TRPC4: variants seen among roughly 807,000 people sequenced by gnomAD.
TRPC4 encodes transient receptor potential cation channel subfamily C member 4.
Under a neutral mutation model 99.4 loss-of-function variants are expected in TRPC4, and 49 were observed. The ratio of observed to expected loss-of-function variants is 0.49; its 90% CI spans 0.39 to 0.63. The LOEUF (loss-of-function observed/expected upper bound fraction) is 0.63. TRPC4 is among the 20% of genes least tolerant of loss of function. The probability of loss-of-function intolerance (pLI) is 0.00; values close to 1 mark genes in which losing one functional copy is unlikely to be tolerated. For synonymous variants in TRPC4, 454 were observed against 425.9 expected (o/e 1.07, Z -0.81); for missense variants, 898 against 1,152.9 (o/e 0.78, Z 3.20).
chr13:37,637,181 G>T lies in TRPC4; in HGVS notation c.2656C>A (p.Leu886Met). 1 of 1,613,858 alleles carries T rather than the reference G, an allele frequency of 6.2e-7. No homozygotes were observed. The highest frequency in any genetic ancestry group is 8.5e-7 in the Non-Finnish European group (1 of 1,179,862). Residue 886 changes from leucine (L) to methionine (M), a missense_variant, in exon 11 of 11, where the codon CTG becomes ATG. Physicochemically the swap from Leu to Met is conservative, Grantham distance 15. This residue lies in a region of TRPC4 where 346 missense variants were observed against 351.4 expected (regional missense o/e 0.98). Coordinates refer to ENST00000379705, the MANE Select transcript of TRPC4 (RefSeq NM_016179.4). Reference sequence around the variant, plus strand: ...CGTGAAGCTAATCCTCGAGATTCCAGTTGAATATTTCTCTCAAGTGGTCCT... The same window carrying T: ...CGTGAAGCTAATCCTCGAGATTCCATTTGAATATTTCTCTCAAGTGGTCCT... ...AAGPLERNIQ[L>M]ESRGLASRGD... is the part of the protein sequence containing the mutation.
intron 2 of TRPC4, among the ~76,000 whole-genome samples, chr13:37,750,765 A>G (rs1955911661): frequency 6.6e-6 from 1 of 152,022 alleles, no homozygotes; most frequent in African/African-American, 2.4e-5. Context: ...CGTCATCTAC[A>G]TTAAGTATTT....
chr13:37,680,639 T>C (rs1175602528), intron 4 of TRPC4, among the ~76,000 whole-genome samples: 1 of 152,182 alleles, frequency 6.6e-6, no homozygotes, highest in Non-Finnish European at 1.5e-5. Flanking sequence ...AGAAATTGGA[T>C]CTTTGATAAG....
chr13:37,790,261 G>A (rs1957082003), intron 1 of TRPC4, among the ~76,000 whole-genome samples: 1 of 152,062 alleles, frequency 6.6e-6, no homozygotes, highest in Non-Finnish European at 1.5e-5. Flanking sequence ...AACTTTAATA[G>A]TTATAAAAAG....
At chr13:37,866,531 T>G (rs1959757904) in intron 1 of TRPC4, among the ~76,000 whole-genome samples, 1 of 151,814 alleles carries the variant, frequency 6.6e-6, no homozygotes, top group Non-Finnish European at 1.5e-5. Flanking sequence ...CCTTTAATTT[T>G]CAGTTTCCCA....
intron 6 of TRPC4, among the ~76,000 whole-genome samples, chr13:37,659,795 G>C (rs780221737): frequency 9.2e-5 from 14 of 152,200 alleles, no homozygotes; most frequent in Non-Finnish European, 1.8e-4. Context: ...CACATGGAAG[G>C]GATGAGAAGA....
At chr13:37,827,381 G>GT (rs752658661) in intron 1 of TRPC4, among the ~76,000 whole-genome samples, 123 of 152,282 alleles carry the variant, frequency 8.1e-4, no homozygotes, top group Non-Finnish European at 1.1e-3. Context: ...TTTCTGCTCT[G>GT]TTTTTTCCCT....
Position 37,705,639 on chromosome 13 carries a change from A to G in TRPC4, c.898-13304T>C, listed in dbSNP as rs116545005. The stretch of plus-strand genomic sequence containing the variant: ...TATGCATGACTCTAGGCCTAACTCA[A>G]ATCAGTCTTTGAGTTCCTCTCCTTC... On this transcript the variant is annotated intron_variant, in intron 3 of 10. Coordinates refer to ENST00000379705, the MANE Select transcript of TRPC4 (RefSeq NM_016179.4). Among the ~76,000 whole-genome samples the G allele has an allele frequency of 5.7e-3, 865 of 152,182 alleles. 9 individuals carry two copies. Among genetic ancestry groups the G allele is most frequent in the African/African-American group, 0.02 (828 of 41,524 alleles).
intron 1 of TRPC4, among the ~76,000 whole-genome samples, chr13:37,820,326 T>A (rs1957977200): frequency 6.6e-6 from 1 of 151,884 alleles, no homozygotes; most frequent in Admixed American, 6.6e-5. Context: ...AGAACATGTC[T>A]AGGATATGAT....
intron 1 of TRPC4, among the ~76,000 whole-genome samples, chr13:37,809,637 A>G (rs1957621635): frequency 6.6e-6 from 1 of 152,056 alleles, no homozygotes. Flanking sequence ...CCAATTCATA[A>G]TTTGAACAGA....
At chr13:37,700,387 A>ATGTT (rs1555259671) in intron 3 of TRPC4, among the ~76,000 whole-genome samples, 6 of 152,078 alleles carry the variant, frequency 3.9e-5, no homozygotes, top group Non-Finnish European at 7.4e-5. Flanking sequence ...AGCCACTGAC[A>ATGTT]TTTTCCACAC....
chr13:37,681,189 G>C (rs773915610), intron 4 of TRPC4, among the ~76,000 whole-genome samples: 2 of 152,128 alleles, frequency 1.3e-5, no homozygotes, highest in Non-Finnish European at 2.9e-5. Context: ...AACTTCAACT[G>C]TAAGTTTAGA....
intron 2 of TRPC4, among the ~76,000 whole-genome samples, chr13:37,768,867 G>A (rs1276803879): frequency 6.6e-6 from 1 of 151,308 alleles, no homozygotes; most frequent in African/African-American, 2.4e-5. Flanking sequence ...CCTACTTTCT[G>A]CTTTTTGGAT....
rs193112721 is a variant in TRPC4, at chr13:37,650,185, C to A, written c.2079+1080G>T. ...AGGATCTCTTAGGGCATCGCAGTCA[C>A]AAACCATGTAAAATAAAATTGAAAA... On this transcript the variant is annotated intron_variant, in intron 8 of 10. Transcript: ENST00000379705. Among the ~76,000 whole-genome samples the A allele has an allele frequency of 6.6e-5, 10 of 152,258 alleles. No homozygotes were observed. In the East Asian group the frequency reaches 1.9e-3, roughly 29 times the overall value.
At chr13:37,853,618 T>A (rs1959111490) in intron 1 of TRPC4, among the ~76,000 whole-genome samples, 1 of 152,158 alleles carries the variant, frequency 6.6e-6, no homozygotes, top group African/African-American at 2.4e-5. Context: ...CAGAGACATG[T>A]GACCTTTCAT....
intron 3 of TRPC4, among the ~76,000 whole-genome samples, chr13:37,703,551 T>C (rs537322199): frequency 2.6e-5 from 4 of 152,146 alleles, no homozygotes; most frequent in African/African-American, 7.2e-5. Context: ...AAAAGATATA[T>C]AGATGGCAAA....
intron 3 of TRPC4, among the ~76,000 whole-genome samples, chr13:37,697,317 T>C (rs1953939227): frequency 6.6e-6 from 1 of 152,124 alleles, no homozygotes; most frequent in Non-Finnish European, 1.5e-5. Context: ...ATTAGATAAC[T>C]TGTTAAAAAG....
At chr13:37,854,583 A>C (rs1447849820) in intron 1 of TRPC4, among the ~76,000 whole-genome samples, 1 of 152,140 alleles carries the variant, frequency 6.6e-6, no homozygotes, top group East Asian at 1.9e-4. Context: ...ATAAAGGGAA[A>C]CAATAGAAAG....
intron 1 of TRPC4, among the ~76,000 whole-genome samples, chr13:37,821,189 G>GCC (rs896731147): frequency 4.3e-5 from 3 of 70,102 alleles, no homozygotes; most frequent in African/African-American, 1.9e-4. Flanking sequence ...ATTCACAATA[G>GCC]CCACACACAC....
chr13:37,654,387 C>A lies in TRPC4; in HGVS notation c.1884+701G>T, dbSNP rs17056381. On this transcript the variant is annotated intron_variant, in intron 7 of 10. Coordinates refer to ENST00000379705, the MANE Select transcript of TRPC4 (RefSeq NM_016179.4). ...TGCTGCTATTGCTAGTGGTCCTAGA[C>A]GTATATCACTAGTATATAAGTTCAA... 4.5e-3 allele frequency among the ~76,000 whole-genome samples: 686 copies of A among 152,200 alleles called. 3 individuals carry two copies. Among genetic ancestry groups the A allele is most frequent in the African/African-American group, 0.016 (667 of 41,530 alleles).
Sources: allele counts gnomAD v4.1 joint callset (sites outside exome capture counted in the v4.1 genomes callset), GRCh38; gene constraint gnomAD v4.1.1; regional missense constraint gnomAD v4.1.1; transcripts MANE v1.5; gene names NCBI Gene and HGNC (gene_info 2026-07-23, HGNC 2026-07-21).